PCM1: variants seen among roughly 807,000 people sequenced by gnomAD.
PCM1 encodes the protein pericentriolar material 1, also known as pericentriolar material 1 protein.
PCM1 carries 157 observed loss-of-function variants against 241.9 expected under a neutral mutation model. The observed-to-expected ratio is 0.65, with a 90% CI of 0.57 to 0.74. The LOEUF (loss-of-function observed/expected upper bound fraction) is 0.74. Ranked by LOEUF, PCM1 falls within the 30% of genes least tolerant of loss-of-function variation. The pLI, the probability that PCM1 is intolerant of heterozygous loss-of-function variation, is 0.00. For missense variants in PCM1, 3,478 were observed against 2,360.1 expected (o/e 1.47, Z -9.81); for synonymous variants, 1,085 against 784.9 (o/e 1.38, Z -6.39).
In PCM1 at chr8:17,957,412, CCTT is replaced by C. The variant is rs755671464; in HGVS notation, c.1799_1801del (p.Ser600del). The C allele has an allele frequency of 9.3e-6, 15 of 1,612,262 alleles. No homozygotes were observed. In the East Asian group the frequency reaches 1.1e-4, roughly 12 times the overall value. On this transcript the variant is annotated inframe_deletion, in exon 12 of 39. Transcript: ENST00000325083. ...CAACATAAGGGCTCTAAACATGCCT[CCTT>C]CTTTAGGTATGACTGACTGTATTTA...
In PCM1 at chr8:17,981,047, T is replaced by G. The variant is rs535517570; in HGVS notation, c.4108+292T>G. ...ATCTTATCTGATTAAGAATTAGATATGAAATCATGTCATCTCCTGCTTCAA... is the reference window on the plus strand; with the variant it reads ...ATCTTATCTGATTAAGAATTAGATAGGAAATCATGTCATCTCCTGCTTCAA... On this transcript the variant is annotated intron_variant, in intron 24 of 38. Transcript: ENST00000325083. 9.2e-5 allele frequency among the ~76,000 whole-genome samples: 14 copies of G among 152,342 alleles called. 1 individual carries two copies. The South Asian group carries it at 1.7e-3, about 18-fold the overall frequency.
chr8:17,978,357 G>C (rs976044517), intron 23 of PCM1, among the ~76,000 whole-genome samples: 2 of 152,082 alleles, frequency 1.3e-5, no homozygotes, highest in African/African-American at 4.8e-5. Context: ...CTGCAGATCA[G>C]AACAGCTGGC....
intron 7 of PCM1, among the ~76,000 whole-genome samples, chr8:17,949,186 C>G (rs990446655): frequency 6.6e-6 from 1 of 151,908 alleles, no homozygotes; most frequent in Non-Finnish European, 1.5e-5. Flanking sequence ...AATTTTAAAA[C>G]AAATTTAGTC....
chr8:17,963,602 G>A (rs1024418073), intron 17 of PCM1, among the ~76,000 whole-genome samples: 4 of 152,146 alleles, frequency 2.6e-5, no homozygotes, highest in African/African-American at 9.7e-5. Flanking sequence ...ATATTTTGTA[G>A]TGCTTTTCTG....
At chr8:17,924,167 G>T (rs2055880898) in intron 1 of PCM1, among the ~76,000 whole-genome samples, 4 of 152,096 alleles carry the variant, frequency 2.6e-5, no homozygotes, top group Admixed American at 2.0e-4. Context: ...CGGAGTGGGT[G>T]TTGCAGAGCC....
At chr8:17,991,074 C>G (rs1479308450) in intron 27 of PCM1, among the ~76,000 whole-genome samples, 1 of 151,576 alleles carries the variant, frequency 6.6e-6, no homozygotes, top group African/African-American at 2.4e-5. Flanking sequence ...CAAACCTGCA[C>G]CAGTAGCTGT....
At chr8:18,018,822 A>T (rs2093468165) in intron 36 of PCM1, among the ~76,000 whole-genome samples, 1 of 138,168 alleles carries the variant, frequency 7.2e-6, no homozygotes, top group South Asian at 2.2e-4. Context: ...AAAAAAAAAA[A>T]TATGTATATA....
intron 29 of PCM1, among the ~76,000 whole-genome samples, chr8:17,998,355 A>G (rs1701165552): frequency 1.3e-5 from 2 of 152,160 alleles, no homozygotes; most frequent in South Asian, 4.1e-4. Context: ...AAAGCTTTCC[A>G]GGTATTCAAA....
At chr8:17,999,142 C>CGGTA (rs2088194526) in intron 29 of PCM1, among the ~76,000 whole-genome samples, 1 of 152,018 alleles carries the variant, frequency 6.6e-6, no homozygotes, top group Admixed American at 6.5e-5. Flanking sequence ...GTGCTCTACC[C>CGGTA]CACTGTGATC....
intron 18 of PCM1, among the ~76,000 whole-genome samples, chr8:17,965,158 G>C (rs1017767110): frequency 1.3e-5 from 2 of 152,182 alleles, no homozygotes; most frequent in Non-Finnish European, 1.5e-5. Flanking sequence ...TGTTAGGACA[G>C]TGTGTGGGTT....
chr8:18,014,095 T>TAAAAA (rs71545505), intron 35 of PCM1, 59 bp downstream of exon 35: 16 of 615,494 alleles, frequency 2.6e-5, no homozygotes, highest in African/African-American at 2.3e-4. Flanking sequence ...GCTTTAAAGC[T>TAAAAA]AAAAAAAAAA....
Position 18,021,289 on chromosome 8 carries a change from A to C in PCM1, c.5842-4072A>C, listed in dbSNP as rs370143688. On this transcript the variant is annotated intron_variant, in intron 36 of 38. Coordinates refer to ENST00000325083, the MANE Select transcript of PCM1 (RefSeq NM_006197.4). Reference sequence around the variant, plus strand: ...ATGGTGAAGAAAAACGTTTCAGATTATGAAAAAGATTATGAAAGCAGAAAT... The same window carrying C: ...ATGGTGAAGAAAAACGTTTCAGATTCTGAAAAAGATTATGAAAGCAGAAAT... 2.0e-5 allele frequency among the ~76,000 whole-genome samples: 3 copies of C among 152,336 alleles called. No homozygotes were observed. The South Asian group carries it at 6.2e-4, about 32-fold the overall frequency.
At chr8:17,958,345 A>C (rs560183266) in intron 13 of PCM1, among the ~76,000 whole-genome samples, 12 of 152,302 alleles carry the variant, frequency 7.9e-5, no homozygotes, top group African/African-American at 2.6e-4. Context: ...AGTAAGGTTA[A>C]AGTTAGAACT....
chr8:18,016,398 A>G (rs1218541451), intron 36 of PCM1, among the ~76,000 whole-genome samples: 2 of 151,714 alleles, frequency 1.3e-5, no homozygotes, highest in South Asian at 2.1e-4. Context: ...GCCTTTAACT[A>G]TGCCTTTCTG....
chr8:17,990,420 G>T (rs2084175668), intron 27 of PCM1, among the ~76,000 whole-genome samples: 2 of 151,128 alleles, frequency 1.3e-5, no homozygotes, highest in African/African-American at 4.9e-5. Flanking sequence ...ATAACCTGTA[G>T]TGAAAACCTC....
At chr8:17,938,016 A>T (rs990223904) in intron 4 of PCM1, among the ~76,000 whole-genome samples, 1 of 152,170 alleles carries the variant, frequency 6.6e-6, no homozygotes, top group Non-Finnish European at 1.5e-5. Context: ...ACTTTTTCAG[A>T]CAGTTCTTCA....
intron 1 of PCM1, among the ~76,000 whole-genome samples, chr8:17,924,270 C>T (rs986394840): frequency 6.6e-6 from 1 of 152,188 alleles, no homozygotes; most frequent in African/African-American, 2.4e-5. Context: ...TGAAGGTAAA[C>T]CTGGTATTTA....
chr8:18,014,733 G>T lies in PCM1; in HGVS notation c.5734G>T (p.Glu1912Ter), dbSNP rs779453029. Reference sequence around the variant, plus strand: ...TTTGCCGTTACGTTTACCTGAAATGGAACCCTTAGTGCCTAGAGTCAAAGA... The same window carrying T: ...TTTGCCGTTACGTTTACCTGAAATGTAACCCTTAGTGCCTAGAGTCAAAGA... ...NPLPLRLPEM[E>*]PLVPRVKEVK... Residue 1912 changes from glutamate (E) to a stop codon, truncating the protein, a stop_gained, in exon 36 of 39, where the codon GAA becomes TAA. Coordinates refer to ENST00000325083, the MANE Select transcript of PCM1 (RefSeq NM_006197.4). LOFTEE classifies it high-confidence loss of function. 3.1e-6 allele frequency: 5 copies of T among 1,613,000 alleles called. No homozygotes were observed. The highest frequency in any genetic ancestry group is 4.2e-6 in the Non-Finnish European group (5 of 1,179,820).
At chr8:17,998,474 T>C (rs28839855) in intron 29 of PCM1, among the ~76,000 whole-genome samples, 108,129 of 152,140 alleles carry the variant, frequency 0.71, 39,100 homozygotes, top group Non-Finnish European at 0.77. Flanking sequence ...AATTACCAGG[T>C]GGAGACTTCT....
Sources: allele counts gnomAD v4.1 joint callset (sites outside exome capture counted in the v4.1 genomes callset), GRCh38; gene constraint gnomAD v4.1.1; transcripts MANE v1.5; gene names NCBI Gene and HGNC (gene_info 2026-07-23, HGNC 2026-07-21).